The following COL9A1 variants were observed in gnomAD, a reference collection of about 807,000 sequenced individuals.
The protein encoded by COL9A1 is collagen type IX alpha 1 chain, also known as collagen alpha-1(IX) chain.
In COL9A1, 104 loss-of-function variants were observed where a neutral mutation model predicts 142.6. The ratio of observed to expected loss-of-function variants is 0.73; its 90% CI spans 0.62 to 0.86. COL9A1 has a LOEUF of 0.86. Among genes scored for constraint, COL9A1 ranks in the 40% least tolerant of loss-of-function variants. The pLI is 0.00. For missense variants in COL9A1, 1,210 were observed against 1,176.6 expected (o/e 1.03, Z -0.42); for synonymous variants, 466 against 396.0 (o/e 1.18, Z -2.10).
chr6:70,262,067 G>T (rs972979372), intron 19 of COL9A1, among the ~76,000 whole-genome samples: 2 of 151,960 alleles, frequency 1.3e-5, no homozygotes, highest in African/African-American at 4.8e-5. Context: ...TACTGTTTTA[G>T]AATGTTGTTT....
At chr6:70,285,664 C>A (rs1773423724) in intron 5 of COL9A1, among the ~76,000 whole-genome samples, 1 of 152,172 alleles carries the variant, frequency 6.6e-6, no homozygotes, top group Non-Finnish European at 1.5e-5. Flanking sequence ...ATTCCCCTCT[C>A]CACACTGGGT....
intron 14 of COL9A1, among the ~76,000 whole-genome samples, chr6:70,271,050 T>C (rs553359295): frequency 6.6e-6 from 1 of 152,070 alleles, no homozygotes; most frequent in East Asian, 1.9e-4. Flanking sequence ...CATTCACTTG[T>C]TCACTAAATA....
At chr6:70,285,228 C>T (rs930269486) in intron 5 of COL9A1, among the ~76,000 whole-genome samples, 3 of 152,188 alleles carry the variant, frequency 2.0e-5, no homozygotes, top group African/African-American at 7.2e-5. Context: ...AAATGTAATT[C>T]ATCTGTGAAT....
chr6:70,245,270 A>G (rs1770520746), intron 28 of COL9A1, among the ~76,000 whole-genome samples: 1 of 152,246 alleles, frequency 6.6e-6, no homozygotes, highest in East Asian at 1.9e-4. Flanking sequence ...GCTAAGATGA[A>G]CATAAATAAT....
Position 70,294,510 on chromosome 6 carries a change from C to T in COL9A1, c.353G>A (p.Arg118Gln), listed in dbSNP as rs143848379. Residue 118 changes from arginine (R) to glutamine (Q), a missense_variant, in exon 5 of 38, where the codon CGA (arginine) becomes CAA (glutamine). Transcript: ENST00000357250. ...CTTTTTGAGAGTGCTTCCAGTCATT[C>T]GAAACGTCGTCAAGAAGGAGTATTC... ...PEEYSFLTTF[R>Q]MTGSTLKKNW... 1.7e-4 allele frequency: 270 copies of T among 1,614,034 alleles called. No individual in the cohort carries two copies. The African/African-American group carries it at 2.3e-3, about 14-fold the overall frequency.
chr6:70,277,182 T>C (rs1483397978), intron 10 of COL9A1, among the ~76,000 whole-genome samples: 5 of 152,162 alleles, frequency 3.3e-5, no homozygotes, highest in Non-Finnish European at 7.4e-5. Context: ...ATATGGGTGT[T>C]ATAAGAAAGA....
chr6:70,283,095 T>C, intron 6 of COL9A1, 177 bp from the exon 7 acceptor site: 2 of 1,542,334 alleles, frequency 1.3e-6, no homozygotes, highest in African/African-American at 1.4e-5. Context: ...CTCTGCAGCC[T>C]GGTTCCCCTC....
chr6:70,298,529 G>A (rs941496831), intron 4 of COL9A1, among the ~76,000 whole-genome samples: 2 of 152,048 alleles, frequency 1.3e-5, no homozygotes, highest in African/African-American at 4.8e-5. Context: ...CCTTATGGGG[G>A]CAGGGAGTCA....
intron 14 of COL9A1, among the ~76,000 whole-genome samples, chr6:70,271,403 G>T (rs921198879): frequency 2.0e-5 from 3 of 152,140 alleles, no homozygotes; most frequent in African/African-American, 7.2e-5. Flanking sequence ...GTAAAATGAG[G>T]ACGACACTCT....
At position 70,270,303 on chromosome 6, in the gene COL9A1, A is replaced by G. The variant is rs73745357; in HGVS notation, c.1197+11T>C. On this transcript the variant is annotated intron_variant, in intron 15 of 37. Coordinates refer to ENST00000357250, the MANE Select transcript of COL9A1 (RefSeq NM_001851.6). ...AGACACAAACAGAAATTCAAGCTGCAAATAACTTACTCTGGGTCCTGGGGG... is the reference window on the plus strand; with the variant it reads ...AGACACAAACAGAAATTCAAGCTGCGAATAACTTACTCTGGGTCCTGGGGG... 1,041 of 1,613,290 alleles carry G rather than the reference A, an allele frequency of 6.5e-4. 10 individuals are homozygous for G. The African/African-American group carries it at 0.013, about 20-fold the overall frequency.
At chr6:70,281,521 G>A in intron 7 of COL9A1, 57 bp from the exon 8 acceptor site, 3 of 1,431,184 alleles carry the variant, frequency 2.1e-6, no homozygotes, top group Non-Finnish European at 2.9e-6. Flanking sequence ...GGGAGCAACT[G>A]AGCGCGGTGC....
At chr6:70,269,988 T>C (rs1772285575) in intron 15 of COL9A1, among the ~76,000 whole-genome samples, 2 of 152,246 alleles carry the variant, frequency 1.3e-5, no homozygotes, top group African/African-American at 4.8e-5. Flanking sequence ...TTTTTCTTAC[T>C]ATGAAAACCT....
intron 7 of COL9A1, 134 bp downstream of exon 7, chr6:70,282,764 C>G: frequency 5.1e-6 from 7 of 1,367,536 alleles, no homozygotes; most frequent in South Asian, 3.7e-5. Context: ...GGCAGGTGCT[C>G]GAGGCTGGAG....
intron 10 of COL9A1, 50 bp downstream of exon 10, chr6:70,280,762 A>G (rs1221323878): frequency 6.4e-7 from 1 of 1,573,288 alleles, no homozygotes; most frequent in Non-Finnish European, 8.6e-7. Flanking sequence ...ACTTACTCGT[A>G]CCCACCACAC....
chr6:70,236,140 A>T (rs12195112), intron 33 of COL9A1, among the ~76,000 whole-genome samples: 46,106 of 136,652 alleles, frequency 0.34, 10,104 homozygotes, highest in Non-Finnish European at 0.49. Context: ...AAAAAAAAAA[A>T]ACTTGACCAA....
chr6:70,302,116 G>A (rs540694848), intron 1 of COL9A1, 42 bp from the exon 2 acceptor site: 48 of 1,392,304 alleles, frequency 3.4e-5, no homozygotes, highest in Admixed American at 1.8e-4. Context: ...AGGAGTCCCC[G>A]CAGATGGAAA....
intron 11 of COL9A1, 141 bp downstream of exon 11, chr6:70,274,578 T>A (rs991004942): frequency 1.5e-5 from 11 of 726,730 alleles, no homozygotes; most frequent in Non-Finnish European, 2.5e-5. Flanking sequence ...TTCCACATCA[T>A]GGTGTTTTTA....
At chr6:70,241,799 T>C (rs1011779534) in intron 30 of COL9A1, among the ~76,000 whole-genome samples, 165 bp downstream of exon 30, 1 of 152,236 alleles carries the variant, frequency 6.6e-6, no homozygotes, top group Non-Finnish European at 1.5e-5. Flanking sequence ...AATAGACTTT[T>C]TGCTTCTTAA....
At position 70,255,148 on chromosome 6, in the gene COL9A1, A is replaced by T. The variant is rs1771197564; in HGVS notation, c.1611+2T>A. ...GCTTGATGACTACAGCTCAGGACATACCGTGTCTCCTTTGGGCCCAGGGAG... is the reference window on the plus strand; with the variant it reads ...GCTTGATGACTACAGCTCAGGACATTCCGTGTCTCCTTTGGGCCCAGGGAG... On this transcript the variant is annotated splice_donor_variant, in intron 23 of 37. Transcript: ENST00000357250. LOFTEE classifies it high-confidence loss of function. The T allele has an allele frequency of 6.2e-7, 1 of 1,614,206 alleles. No individual in the cohort carries two copies. The highest frequency in any genetic ancestry group is 8.5e-7 in the Non-Finnish European group (1 of 1,180,024).
Sources: allele counts gnomAD v4.1 joint callset (sites outside exome capture counted in the v4.1 genomes callset), GRCh38; gene constraint gnomAD v4.1.1; transcripts MANE v1.5; gene names NCBI Gene and HGNC (gene_info 2026-07-23, HGNC 2026-07-21).